Variants in DNAJC11 observed in about 807,000 individuals in gnomAD.
DNAJC11 encodes the protein DnaJ heat shock protein family (Hsp40) member C11.
A neutral mutation model predicts 78.6 loss-of-function variants in DNAJC11; 15 were observed. That is an observed-to-expected ratio of 0.19 (90% CI 0.13 to 0.29). The LOEUF (loss-of-function observed/expected upper bound fraction) is 0.29, where lower values mean the gene tolerates loss of function less well. Among genes scored for constraint, DNAJC11 ranks in the 10% least tolerant of loss-of-function variants. The pLI, the probability that DNAJC11 is intolerant of heterozygous loss-of-function variation, is 1.00. For synonymous variants in DNAJC11, 292 were observed against 272.1 expected, an observed-to-expected ratio of 1.07 and a Z score of -0.72; for missense variants, 547 against 709.6, an observed-to-expected ratio of 0.77 and a Z score of 2.60.
In DNAJC11 at chr1:6,645,851, A is replaced by G; in HGVS notation, c.832T>C (p.Ser278Pro). ...CGGACGATGCTAGTGTTCATGGCTG[A>G]CTGGATACCCCATCGCCACTGCAGG... ...GYLQWRWGIQ[S>P]AMNTSIVRDT... The change falls in exon 8 of 16, where the codon TCA (serine) becomes CCA (proline). Residue 278 changes from serine to proline, a missense_variant. Physicochemically the swap from Ser to Pro is moderately conservative, Grantham distance 74. Coordinates refer to ENST00000377577, the MANE Select transcript of DNAJC11 (RefSeq NM_018198.4). The surrounding 1 kb of genome is among the most constrained non-coding windows in gnomAD (Gnocchi z 4.1). 1 of 1,614,130 alleles carries G rather than the reference A, an allele frequency of 6.2e-7. No individual in the cohort carries two copies. The highest frequency in any genetic ancestry group is 8.5e-7 in the Non-Finnish European group (1 of 1,180,032).
rs1641945778 is a variant in DNAJC11 at position 6,645,131 on chromosome 1, G to A, written c.895-5C>T. The A allele has an allele frequency of 6.2e-7, 1 of 1,610,564 alleles. No individual in the cohort carries two copies. Among genetic ancestry groups the A allele is most frequent in the Non-Finnish European group, 8.5e-7 (1 of 1,177,136 alleles). ...AAAGGAGTGAGGGATTCCCAGCTGG[G>A]GAGACAGAGGGTGCAAGGATGCGTG... On this transcript the variant is annotated splice_polypyrimidine_tract_variant and splice_region_variant and intron_variant, in intron 8 of 15. Coordinates refer to ENST00000377577, the MANE Select transcript of DNAJC11 (RefSeq NM_018198.4). The surrounding 1 kb of genome is among the most constrained non-coding windows in gnomAD (Gnocchi z 4.1).
intron 1 of DNAJC11, among the ~76,000 whole-genome samples, chr1:6,681,994 T>C (rs931721888): frequency 2.6e-5 from 4 of 152,016 alleles, no homozygotes; most frequent in Admixed American, 2.0e-4. Context: ...CATTTCTGGG[T>C]CACTGACATG....
chr1:6,638,213 C>T, intron 12 of DNAJC11, 82 bp downstream of exon 12: 1 of 1,415,322 alleles, frequency 7.1e-7, no homozygotes. Flanking sequence ...GAAGTCTGAC[C>T]TCTAAGGCCC....
intron 4 of DNAJC11, among the ~76,000 whole-genome samples, chr1:6,666,783 G>A (rs368239334): frequency 1.4e-4 from 22 of 152,158 alleles, no homozygotes; most frequent in Admixed American, 2.0e-4. Flanking sequence ...TTCCAACAAC[G>A]TTGATGATTT....
At chr1:6,686,924 G>A (rs1642665266) in intron 1 of DNAJC11, among the ~76,000 whole-genome samples, 1 of 152,152 alleles carries the variant, frequency 6.6e-6, no homozygotes, top group African/African-American at 2.4e-5. Context: ...ACCAATGAAG[G>A]CTCCACAAAC....
intron 1 of DNAJC11, among the ~76,000 whole-genome samples, chr1:6,681,712 G>T (rs1254217440): frequency 1.3e-5 from 2 of 152,138 alleles, no homozygotes; most frequent in Non-Finnish European, 2.9e-5. Context: ...CAGTGGGGGG[G>T]GCGGGTGCCA....
intron 1 of DNAJC11, among the ~76,000 whole-genome samples, chr1:6,701,035 G>GTACA (rs2147890644): frequency 6.6e-6 from 1 of 152,322 alleles, no homozygotes; most frequent in East Asian, 1.9e-4. Context: ...AGGAGACAGG[G>GTACA]TACAAGTGCT....
Position 6,680,829 on chromosome 1 carries a change from T to TA in DNAJC11, c.202+78dup. ...TATACCTCTAAGGACTCTCTTTTTC[T>TA]ATCCTCTACAAATCGCACCTCCTAA... is the stretch of plus-strand genomic sequence containing the variant. On this transcript the variant is annotated intron_variant, in intron 2 of 15. Coordinates refer to ENST00000377577, the MANE Select transcript of DNAJC11 (RefSeq NM_018198.4). This position sits in a 1 kb window ranked among gnomAD's most constrained non-coding sequence, Gnocchi z 4.0. The TA allele has an allele frequency of 6.4e-7, 1 of 1,555,314 alleles. No homozygotes were observed. The highest frequency in any genetic ancestry group is 8.8e-7 in the Non-Finnish European group (1 of 1,141,164).
chr1:6,666,348 C>A (rs1421019643), intron 4 of DNAJC11, among the ~76,000 whole-genome samples: 2 of 151,564 alleles, frequency 1.3e-5, no homozygotes, highest in Non-Finnish European at 2.9e-5. Flanking sequence ...ACTGTGCATC[C>A]CAGTTTAAGC....
At chr1:6,640,683 T>C (rs989254902) in intron 10 of DNAJC11, among the ~76,000 whole-genome samples, 2 of 151,850 alleles carry the variant, frequency 1.3e-5, no homozygotes, top group African/African-American at 4.8e-5. Context: ...AATACAAAAA[T>C]TAGCCGGGCG....
intron 3 of DNAJC11, among the ~76,000 whole-genome samples, chr1:6,676,898 G>T (rs1642472084): frequency 6.6e-6 from 1 of 152,150 alleles, no homozygotes; most frequent in South Asian, 2.1e-4. Context: ...CTTTGGCCAG[G>T]TGTGGTGGCT....
chr1:6,678,108 C>T (rs890940097), intron 3 of DNAJC11, among the ~76,000 whole-genome samples: 1 of 152,288 alleles, frequency 6.6e-6, no homozygotes, highest in Non-Finnish European at 1.5e-5. Flanking sequence ...TCCCGCCCCA[C>T]ACCTGGGTTA....
In DNAJC11 at chr1:6,653,259, T is replaced by C. The variant is rs1642082514; in HGVS notation, c.508-308A>G. ...AGCACAGTGACTTCACTGTGTGCCTTCCCTCTGTGGTTTGCCATCAGGGTT... is the reference window on the plus strand; with the variant it reads ...AGCACAGTGACTTCACTGTGTGCCTCCCCTCTGTGGTTTGCCATCAGGGTT... On this transcript the variant is annotated intron_variant, in intron 5 of 15. Transcript: ENST00000377577. The surrounding 1 kb of genome is among the most constrained non-coding windows in gnomAD (Gnocchi z 4.5). Among the ~76,000 whole-genome samples the C allele has an allele frequency of 6.6e-6, 1 of 152,166 alleles. No homozygotes were observed. Among genetic ancestry groups the C allele is most frequent in the African/African-American group, 2.4e-5 (1 of 41,438 alleles).
chr1:6,683,039 G>A (rs572647524), intron 1 of DNAJC11, among the ~76,000 whole-genome samples: 1 of 152,278 alleles, frequency 6.6e-6, no homozygotes, highest in South Asian at 2.1e-4. Context: ...CTCCTTGAAG[G>A]TTCCATGAAC....
Position 6,667,793 on chromosome 1 carries a change from TCTC to T in DNAJC11, c.291_293del (p.Arg98del), listed in dbSNP as rs1642314920. 4 of 1,613,910 alleles carry T rather than the reference TCTC, an allele frequency of 2.5e-6. No individual in the cohort carries two copies. Among genetic ancestry groups the T allele is most frequent in the East Asian group, 2.2e-5 (1 of 44,862 alleles). On this transcript the variant is annotated inframe_deletion, in exon 4 of 16. Coordinates refer to ENST00000377577, the MANE Select transcript of DNAJC11 (RefSeq NM_018198.4). ...ACTCCTCTCGAATTTCAGCAGGGGTTCTCCTCCTTTCCACAACCTATGCACAGA... is the reference window on the plus strand; with the variant it reads ...ACTCCTCTCGAATTTCAGCAGGGGTTCTCCTTTCCACAACCTATGCACAGA...
At chr1:6,695,554 G>A (rs1238190743) in intron 1 of DNAJC11, among the ~76,000 whole-genome samples, 1 of 149,088 alleles carries the variant, frequency 6.7e-6, no homozygotes, top group Non-Finnish European at 1.5e-5. Flanking sequence ...CACTTTGGGA[G>A]GCCGAGGCGG....
rs1266264075 is a variant in DNAJC11 at position 6,634,650 on chromosome 1, G to A, written c.*1025C>T. Reference sequence around the variant, plus strand: ...TGCAGCCGAGGTCCAGGCCGTGGAGGGGGTCCTAGCTCCGCTGCATTCTGC... The same window carrying A: ...TGCAGCCGAGGTCCAGGCCGTGGAGAGGGTCCTAGCTCCGCTGCATTCTGC... On this transcript the variant is annotated 3_prime_UTR_variant, in exon 16 of 16. Transcript: ENST00000377577. The A allele has an allele frequency of 7.3e-7, 1 of 1,366,500 alleles. No homozygotes were observed. Among genetic ancestry groups the A allele is most frequent in the Non-Finnish European group, 9.8e-7 (1 of 1,021,842 alleles). 84.6% of individuals were successfully genotyped at this position (1,366,500 alleles called of 1,614,324 possible). A position where few individuals can be genotyped will look rare whatever the true frequency, so the allele number is the denominator to read the frequency against.
chr1:6,654,605 A>C (rs910409230), intron 4 of DNAJC11, among the ~76,000 whole-genome samples: 1 of 152,230 alleles, frequency 6.6e-6, no homozygotes, highest in Non-Finnish European at 1.5e-5. Flanking sequence ...ATTCTAAGCT[A>C]AAATTTTGCT....
At chr1:6,686,374 G>A (rs1026801122) in intron 1 of DNAJC11, among the ~76,000 whole-genome samples, 1 of 152,186 alleles carries the variant, frequency 6.6e-6, no homozygotes, top group Non-Finnish European at 1.5e-5. Context: ...GATAACTGCT[G>A]GGCTAGATGA....
Sources: gnomAD v4.1 joint callset for allele counts (sites outside exome capture counted in the v4.1 genomes callset) on GRCh38, gnomAD v4.1.1 for gene constraint, Gnocchi (gnomAD v3.1) non-coding constraint, MANE v1.5 for transcripts, NCBI Gene and HGNC (gene_info 2026-07-23, HGNC 2026-07-21) for gene names.